Variants in PHACTR1 observed in about 807,000 individuals in gnomAD.
PHACTR1 encodes phosphatase and actin regulator 1.
A neutral mutation model predicts 69.2 loss-of-function variants in PHACTR1; 16 were observed. That is an observed-to-expected ratio of 0.23 (90% confidence interval 0.16 to 0.35). The LOEUF (loss-of-function observed/expected upper bound fraction) is 0.35. PHACTR1 is among the 10% of genes least tolerant of loss of function. The probability of loss-of-function intolerance (pLI) is 1.00; values close to 1 mark genes in which losing one functional copy is unlikely to be tolerated. For synonymous variants in PHACTR1, 312 were observed against 284.5 expected (o/e 1.10, Z -0.97); for missense variants, 510 against 734.7 (o/e 0.69, Z 3.54).
chr6:12,953,601 A>T (rs1237232896), intron 4 of PHACTR1, among the ~76,000 whole-genome samples: 3 of 152,236 alleles, frequency 2.0e-5, no homozygotes, highest in Non-Finnish European at 2.9e-5. Context: ...TGAAAGAATG[A>T]AACTGTATTC....
chr6:12,915,996 C>A (rs531061516), intron 4 of PHACTR1, among the ~76,000 whole-genome samples: 2 of 152,064 alleles, frequency 1.3e-5, no homozygotes, highest in African/African-American at 4.8e-5. Context: ...TCAGCTAGTG[C>A]GAGATGTTAA....
At chr6:12,765,248 C>G (rs1368785960) in intron 4 of PHACTR1, among the ~76,000 whole-genome samples, 1 of 152,154 alleles carries the variant, frequency 6.6e-6, no homozygotes, top group Non-Finnish European at 1.5e-5. Flanking sequence ...ATTAATCTAA[C>G]AAACATTCAT....
chr6:12,924,776 G>GAA (rs10533765), intron 4 of PHACTR1, among the ~76,000 whole-genome samples: 2 of 134,294 alleles, frequency 1.5e-5, no homozygotes. Flanking sequence ...CTCTGTCCCG[G>GAA]AAAAAAAAAA....
chr6:12,736,572 A>G (rs1299175603), intron 3 of PHACTR1, among the ~76,000 whole-genome samples: 1 of 152,214 alleles, frequency 6.6e-6, no homozygotes, highest in East Asian at 1.9e-4. Context: ...ATATTTGTCC[A>G]CAGCCTGTGG....
chr6:12,994,379 A>T (rs979576595), intron 4 of PHACTR1, among the ~76,000 whole-genome samples: 2 of 152,220 alleles, frequency 1.3e-5, no homozygotes, highest in South Asian at 4.1e-4. Context: ...ACATAATCAT[A>T]GCTCCAAAAT....
chr6:12,797,040 T>A (rs7756260), intron 4 of PHACTR1, among the ~76,000 whole-genome samples: 53,294 of 133,366 alleles, frequency 0.4, 11,335 homozygotes, highest in African/African-American at 0.55. Context: ...TGTGTGTGTG[T>A]GAGAGAGAGA....
intron 13 of PHACTR1, among the ~76,000 whole-genome samples, chr6:13,285,255 C>A (rs1038204220): frequency 3.9e-5 from 6 of 152,204 alleles, no homozygotes; most frequent in Non-Finnish European, 8.8e-5. Context: ...CCCCTGCCCC[C>A]ACCCCCAAAG....
intron 12 of PHACTR1, chr6:13,280,849 C>A: frequency 1.3e-6 from 1 of 741,492 alleles, no homozygotes. Context: ...CTTCAGGTTC[C>A]AGATGCCCCG....
At chr6:12,998,081 T>A (rs573217501) in intron 4 of PHACTR1, among the ~76,000 whole-genome samples, 2 of 152,322 alleles carry the variant, frequency 1.3e-5, no homozygotes, top group South Asian at 4.1e-4. Flanking sequence ...AGTCCACTGG[T>A]ACATCACGAA....
chr6:12,791,291 C>T (rs1227640083), intron 4 of PHACTR1, among the ~76,000 whole-genome samples: 2 of 152,188 alleles, frequency 1.3e-5, no homozygotes, highest in African/African-American at 4.8e-5. Flanking sequence ...GCCTTCTCAT[C>T]TATAGTTGCT....
At chr6:12,949,302 GA>G (rs1170236551) in intron 4 of PHACTR1, among the ~76,000 whole-genome samples, 8 of 149,936 alleles carry the variant, frequency 5.3e-5, no homozygotes, top group African/African-American at 1.2e-4. Flanking sequence ...GAAAGAAAAG[GA>G]AAAAAAAGAA....
At chr6:12,757,163 A>G (rs1767421841) in intron 4 of PHACTR1, among the ~76,000 whole-genome samples, 1 of 152,180 alleles carries the variant, frequency 6.6e-6, no homozygotes, top group Non-Finnish European at 1.5e-5. Context: ...CATGGAGGAG[A>G]AGGGCTTTGA....
chr6:13,272,947 G>A, intron 11 of PHACTR1, 32 bp downstream of exon 11: 1 of 1,611,204 alleles, frequency 6.2e-7, no homozygotes, highest in Non-Finnish European at 8.5e-7. Context: ...AATCCCTGAT[G>A]TTTTGTGGCG....
chr6:12,774,450 G>T (rs189312394), intron 4 of PHACTR1, among the ~76,000 whole-genome samples: 3 of 152,112 alleles, frequency 2.0e-5, no homozygotes, highest in Non-Finnish European at 4.4e-5. Context: ...GGAGTGCAAC[G>T]TTGCAATCTT....
intron 5 of PHACTR1, among the ~76,000 whole-genome samples, chr6:13,089,407 G>C (rs758814618): frequency 4.6e-5 from 7 of 152,158 alleles, no homozygotes; most frequent in Non-Finnish European, 1.0e-4. Context: ...GATCTGGGGA[G>C]AGGTCTTCTT....
chr6:12,812,062 A>G (rs1775072154), intron 4 of PHACTR1, among the ~76,000 whole-genome samples: 1 of 152,088 alleles, frequency 6.6e-6, no homozygotes, highest in Non-Finnish European at 1.5e-5. Context: ...CATTTTGTCC[A>G]TTCACAGTGT....
intron 8 of PHACTR1, among the ~76,000 whole-genome samples, chr6:13,209,822 A>G (rs977447592): frequency 1.3e-5 from 2 of 152,176 alleles, no homozygotes; most frequent in Admixed American, 1.3e-4. Flanking sequence ...TTACTTACTG[A>G]AATTTGTATC....
intron 5 of PHACTR1, among the ~76,000 whole-genome samples, chr6:13,143,714 C>T (rs2113368507): frequency 6.6e-6 from 1 of 152,022 alleles, no homozygotes; most frequent in East Asian, 1.9e-4. Flanking sequence ...TTTTAAAAGA[C>T]TAGCATAAAT....
intron 6 of PHACTR1, 104 bp downstream of exon 6, chr6:13,160,388 G>A: frequency 2.0e-6 from 2 of 1,024,634 alleles, no homozygotes; most frequent in Admixed American, 1.8e-5. Context: ...CCAGATATCA[G>A]GATTTGAACC....
Sources: allele counts gnomAD v4.1 joint callset (sites outside exome capture counted in the v4.1 genomes callset), GRCh38; gene constraint gnomAD v4.1.1; transcripts MANE v1.5; gene names NCBI Gene and HGNC (gene_info 2026-07-23, HGNC 2026-07-21).